The following MARCHF1 variants were observed in gnomAD, a reference collection of about 807,000 sequenced individuals.
MARCHF1 encodes the protein membrane associated ring-CH-type finger 1, also known as E3 ubiquitin-protein ligase MARCHF1.
A neutral mutation model predicts 54.2 loss-of-function variants in MARCHF1; 40 were observed. The ratio of observed to expected loss-of-function variants is 0.74; its 90% CI spans 0.57 to 0.96. The LOEUF (loss-of-function observed/expected upper bound fraction) is 0.96. MARCHF1 is among the 40% of genes least tolerant of loss of function. MARCHF1 has a pLI of 0.00. For missense variants in MARCHF1, 586 were observed against 656.5 expected (o/e 0.89, Z 1.17); for synonymous variants, 236 against 236.3 (o/e 1.00, Z 0.01).
chr4:164,099,235 A>C (rs1316053114), intron 2 of MARCHF1, among the ~76,000 whole-genome samples: 1 of 152,226 alleles, frequency 6.6e-6, no homozygotes, highest in Non-Finnish European at 1.5e-5. Context: ...AGAATATTTC[A>C]GCAGATTGAT....
At chr4:164,196,833 G>A (rs1451550024) in intron 1 of MARCHF1, among the ~76,000 whole-genome samples, 1 of 151,918 alleles carries the variant, frequency 6.6e-6, no homozygotes, top group Admixed American at 6.6e-5. Flanking sequence ...ACAACCCCCA[G>A]TACACTTTTC....
intron 4 of MARCHF1, among the ~76,000 whole-genome samples, chr4:163,746,050 T>C (rs1404731730): frequency 6.6e-6 from 1 of 152,176 alleles, no homozygotes; most frequent in African/African-American, 2.4e-5. Flanking sequence ...TAGAGTTTAT[T>C]CTTGGTGTTG....
intron 1 of MARCHF1, among the ~76,000 whole-genome samples, chr4:164,301,202 G>T (rs1286051782): frequency 6.6e-6 from 1 of 152,148 alleles, no homozygotes; most frequent in African/African-American, 2.4e-5. Context: ...TTCTAAAGAA[G>T]AAAATGCATT....
chr4:163,679,058 T>G (rs1579187440), intron 5 of MARCHF1, among the ~76,000 whole-genome samples: 2 of 152,364 alleles, frequency 1.3e-5, no homozygotes, highest in South Asian at 4.1e-4. Flanking sequence ...AAGCATCCAG[T>G]GGAGTTGTAA....
intron 4 of MARCHF1, among the ~76,000 whole-genome samples, chr4:163,798,780 G>A (rs1747994105): frequency 1.3e-5 from 2 of 152,120 alleles, no homozygotes; most frequent in Non-Finnish European, 2.9e-5. Context: ...TCTAAAAGGA[G>A]ACCATAACAA....
At chr4:163,696,242 G>GT (rs1744628963) in intron 5 of MARCHF1, among the ~76,000 whole-genome samples, 1 of 152,016 alleles carries the variant, frequency 6.6e-6, no homozygotes, top group Admixed American at 6.6e-5. Flanking sequence ...AGATCCAGAG[G>GT]TAAAAACTTA....
chr4:163,569,115 G>A (rs182315499), intron 8 of MARCHF1, among the ~76,000 whole-genome samples: 53 of 152,208 alleles, frequency 3.5e-4, no homozygotes, highest in African/African-American at 1.2e-3. Context: ...CATCAAGGTG[G>A]AGGGTTGATG....
chr4:163,906,969 CATTA>C (rs1160726052), intron 3 of MARCHF1, among the ~76,000 whole-genome samples: 1 of 151,590 alleles, frequency 6.6e-6, no homozygotes, highest in African/African-American at 2.4e-5. Flanking sequence ...CATATATTAC[CATTA>C]ATTGTGTTTA....
At chr4:163,696,242 G>A (rs1744628881) in intron 5 of MARCHF1, among the ~76,000 whole-genome samples, 1 of 152,016 alleles carries the variant, frequency 6.6e-6, no homozygotes, top group South Asian at 2.1e-4. Context: ...AGATCCAGAG[G>A]TAAAAACTTA....
chr4:163,620,912 C>A (rs1161073466), intron 5 of MARCHF1, among the ~76,000 whole-genome samples: 1 of 152,124 alleles, frequency 6.6e-6, no homozygotes, highest in Non-Finnish European at 1.5e-5. Context: ...AAAAGTAATT[C>A]TTTGGTCACG....
rs1026243268 is a variant in MARCHF1 at position 164,206,924 on chromosome 4, A to G, written c.-322-95262T>C. On this transcript the variant is annotated intron_variant, in intron 1 of 9. Transcript: ENST00000514618. ...AAGTTTTAAATTATAATTAACAAGT[A>G]TGATAATACTAAAAAAATTGTATTA... Among the ~76,000 whole-genome samples, 13 of 152,142 alleles carry G rather than the reference A, an allele frequency of 8.5e-5. No homozygotes were observed. In the South Asian group the frequency reaches 2.7e-3, roughly 31 times the overall value.
chr4:164,001,786 TAA>T (rs994286462), intron 2 of MARCHF1, among the ~76,000 whole-genome samples: 2 of 151,764 alleles, frequency 1.3e-5, no homozygotes, highest in Non-Finnish European at 2.9e-5. Context: ...AAACGAGCTA[TAA>T]AGAGAAAGCT....
chr4:164,227,834 T>C (rs148493638), intron 1 of MARCHF1, among the ~76,000 whole-genome samples: 407 of 152,248 alleles, frequency 2.7e-3, no homozygotes, highest in Admixed American at 4.5e-3. Context: ...GCAGTACAGC[T>C]AGTAAAGTCA....
chr4:163,625,715 G>C (rs536458413), intron 5 of MARCHF1, among the ~76,000 whole-genome samples: 5 of 152,312 alleles, frequency 3.3e-5, no homozygotes, highest in African/African-American at 1.2e-4. Context: ...GGACTTCAGA[G>C]TCAAAAAACA....
intron 5 of MARCHF1, among the ~76,000 whole-genome samples, chr4:163,683,088 A>G (rs1443308328): frequency 6.6e-6 from 1 of 152,206 alleles, no homozygotes; most frequent in East Asian, 1.9e-4. Flanking sequence ...TAGAGGTGCC[A>G]CTAAGGATTG....
At chr4:163,955,629 G>T (rs767624333) in intron 3 of MARCHF1, among the ~76,000 whole-genome samples, 2 of 152,024 alleles carry the variant, frequency 1.3e-5, no homozygotes, top group African/African-American at 2.4e-5. Flanking sequence ...CTTGAAGATC[G>T]CATCTAACGT....
chr4:164,321,166 C>T (rs1457918351), intron 1 of MARCHF1, among the ~76,000 whole-genome samples: 1 of 152,114 alleles, frequency 6.6e-6, no homozygotes, highest in African/African-American at 2.4e-5. Flanking sequence ...CAAATAAACA[C>T]ATGCTGGTGA....
rs1006838712 is a variant in MARCHF1 at position 164,117,317 on chromosome 4, T to A, written c.-322-5655A>T. ...AGAATAATTTCTGCTTGAATATAAA[T>A]TTTTGTAATAACAAAAGATAACTTT... is the stretch of plus-strand genomic sequence containing the variant. On this transcript the variant is annotated intron_variant, in intron 1 of 9. Coordinates refer to ENST00000514618, the MANE Select transcript of MARCHF1 (RefSeq NM_001394959.1). Among the ~76,000 whole-genome samples, 8 of 152,076 alleles carry A rather than the reference T, an allele frequency of 5.3e-5. No individual in the cohort carries two copies. In the East Asian group the frequency reaches 1.5e-3, roughly 29 times the overall value.
chr4:164,321,437 G>C (rs771080326), intron 1 of MARCHF1, among the ~76,000 whole-genome samples: 99 of 151,760 alleles, frequency 6.5e-4, no homozygotes, highest in Non-Finnish European at 1.8e-4. Flanking sequence ...AAGATACAAG[G>C]AGATAATAAA....
Sources: gnomAD v4.1 joint callset for allele counts (sites outside exome capture counted in the v4.1 genomes callset) on GRCh38, gnomAD v4.1.1 for gene constraint, MANE v1.5 for transcripts, NCBI Gene and HGNC (gene_info 2026-07-23, HGNC 2026-07-21) for gene names.